PTPRN2: variants seen among roughly 807,000 people sequenced by gnomAD.
The protein encoded by PTPRN2 is protein tyrosine phosphatase receptor type N2.
In PTPRN2, 74 loss-of-function variants were observed where a neutral mutation model predicts 118.8. That is an observed-to-expected ratio of 0.62 (90% confidence interval 0.52 to 0.76). PTPRN2 has a LOEUF of 0.76. PTPRN2 is among the 30% of genes least tolerant of loss of function. PTPRN2 has a pLI of 0.00. For missense variants in PTPRN2, 1,481 were observed against 1,394.4 expected, an observed-to-expected ratio of 1.06 and a Z score of -0.99; for synonymous variants, 641 against 608.0, an observed-to-expected ratio of 1.05 and a Z score of -0.80.
intron 2 of PTPRN2, among the ~76,000 whole-genome samples, chr7:158,482,459 C>A (rs1029536130): frequency 6.6e-6 from 1 of 152,224 alleles, no homozygotes; most frequent in African/African-American, 2.4e-5. Flanking sequence ...AACACTGCGG[C>A]AAGACCCTCC....
intron 14 of PTPRN2, among the ~76,000 whole-genome samples, chr7:157,635,034 A>C (rs939873514): frequency 1.3e-5 from 2 of 152,188 alleles, no homozygotes; most frequent in African/African-American, 4.8e-5. Context: ...ACACTGGTCC[A>C]TCTCCCTGGA....
chr7:157,658,992 C>T (rs1220450319), intron 13 of PTPRN2, among the ~76,000 whole-genome samples: 8 of 152,018 alleles, frequency 5.3e-5, no homozygotes, highest in Admixed American at 2.6e-4. Context: ...TCCATGTGTC[C>T]CTTCTCCCTT....
chr7:157,842,387 G>A (rs956769170), intron 12 of PTPRN2, among the ~76,000 whole-genome samples: 12 of 149,304 alleles, frequency 8.0e-5, no homozygotes, highest in East Asian at 2.0e-4. Context: ...CTCAAATGCC[G>A]CTTTGTGTGC....
intron 3 of PTPRN2, among the ~76,000 whole-genome samples, chr7:158,271,817 G>A (rs1485629099): frequency 6.6e-6 from 1 of 152,142 alleles, no homozygotes; most frequent in Non-Finnish European, 1.5e-5. Flanking sequence ...TCTTTCAGAA[G>A]CGCATTAGCC....
chr7:158,535,554 G>A (rs1022137806), intron 1 of PTPRN2, among the ~76,000 whole-genome samples: 2 of 152,206 alleles, frequency 1.3e-5, no homozygotes, highest in Admixed American at 1.3e-4. Context: ...CTGGGGAGCG[G>A]CTGGGGCTTT....
chr7:157,997,546 C>T (rs1302123528), intron 11 of PTPRN2, among the ~76,000 whole-genome samples: 4 of 152,168 alleles, frequency 2.6e-5, no homozygotes, highest in Non-Finnish European at 5.9e-5. Context: ...GAGGGAAGGA[C>T]CAGGGAGGAG....
chr7:157,657,212 TACAC>T (rs1223890693), intron 13 of PTPRN2, among the ~76,000 whole-genome samples: 1 of 115,548 alleles, frequency 8.7e-6, no homozygotes, highest in Non-Finnish European at 1.7e-5. Flanking sequence ...ATCACACATA[TACAC>T]ACACATACGC....
chr7:157,547,410 C>A (rs1377063289), intron 22 of PTPRN2, among the ~76,000 whole-genome samples: 1 of 152,128 alleles, frequency 6.6e-6, no homozygotes, highest in Non-Finnish European at 1.5e-5. Flanking sequence ...CAAGGTTGGA[C>A]CCTTCCATGG....
intron 12 of PTPRN2, among the ~76,000 whole-genome samples, chr7:157,820,211 CCA>C (rs925003880): frequency 2.7e-5 from 4 of 149,040 alleles, no homozygotes; most frequent in African/African-American, 5.0e-5. Flanking sequence ...CACAGCAGAC[CCA>C]CACAGTCACA....
chr7:158,252,237 C>T (rs1249317303), intron 3 of PTPRN2, among the ~76,000 whole-genome samples: 1 of 152,174 alleles, frequency 6.6e-6, no homozygotes, highest in Non-Finnish European at 1.5e-5. Flanking sequence ...TCGTCCCCAT[C>T]ACCTCTGCGG....
rs534423325 is a variant in PTPRN2, at chr7:157,815,131, C to T, written c.1788+83542G>A. On this transcript the variant is annotated intron_variant, in intron 12 of 22. Transcript: ENST00000389418. ...GCTCCGGCTGCTGGGCCTGCATGAC[C>T]GGTTTCCCTGCAGAAGATTCTGCGC... Among the ~76,000 whole-genome samples the T allele has an allele frequency of 9.2e-5, 14 of 152,340 alleles. No homozygotes were observed. In the South Asian group the frequency reaches 2.5e-3, roughly 27 times the overall value.
chr7:157,923,278 C>T lies in PTPRN2; in HGVS notation c.1724-24541G>A, dbSNP rs117145275. Reference sequence around the variant, plus strand: ...CCAGTCAGTGCAGGTGAGGTGGGAGCAGCTAGCCATAAGTTATGATGCTTG... The same window carrying T: ...CCAGTCAGTGCAGGTGAGGTGGGAGTAGCTAGCCATAAGTTATGATGCTTG... On this transcript the variant is annotated intron_variant, in intron 11 of 22. Transcript: ENST00000389418. 2.0e-5 allele frequency among the ~76,000 whole-genome samples: 3 copies of T among 152,262 alleles called. No individual in the cohort carries two copies. The East Asian group carries it at 5.8e-4, about 29-fold the overall frequency.
chr7:158,540,556 G>A (rs945058854), intron 1 of PTPRN2, among the ~76,000 whole-genome samples: 39 of 152,132 alleles, frequency 2.6e-4, no homozygotes, highest in African/African-American at 8.4e-4. Context: ...TTCTTTGGAG[G>A]TGGCTCTGCT....
At chr7:157,573,971 A>G (rs1370337180) in intron 19 of PTPRN2, among the ~76,000 whole-genome samples, 1 of 152,218 alleles carries the variant, frequency 6.6e-6, no homozygotes, top group Admixed American at 6.5e-5. Context: ...ACAAAGGATC[A>G]TGCAGTTGTA....
chr7:158,324,985 G>A (rs1209213043), intron 2 of PTPRN2, among the ~76,000 whole-genome samples: 1 of 152,244 alleles, frequency 6.6e-6, no homozygotes, highest in Non-Finnish European at 1.5e-5. Flanking sequence ...TGCATCTGCT[G>A]AGAAACGTCA....
chr7:158,302,576 C>T (rs963090601), intron 3 of PTPRN2, among the ~76,000 whole-genome samples: 9 of 152,266 alleles, frequency 5.9e-5, no homozygotes, highest in Non-Finnish European at 1.2e-4. Context: ...GGTCCCAGCA[C>T]ATTCAACCTA....
chr7:157,875,782 G>C (rs1795724869), intron 12 of PTPRN2, among the ~76,000 whole-genome samples: 2 of 150,290 alleles, frequency 1.3e-5, no homozygotes, highest in South Asian at 4.3e-4. Flanking sequence ...CCCAGGCCAG[G>C]CATCCCCAGG....
chr7:157,613,902 T>G (rs117134445), intron 15 of PTPRN2: 3 of 400,670 alleles, frequency 7.5e-6, no homozygotes, highest in Non-Finnish European at 1.6e-5. Flanking sequence ...TCGGCGCTGC[T>G]ATCCGGACTC....
chr7:157,935,220 ATTC>A lies in PTPRN2; in HGVS notation c.1724-36486_1724-36484del, dbSNP rs1400889026. 2.6e-5 allele frequency among the ~76,000 whole-genome samples: 4 copies of A among 152,100 alleles called. No homozygotes were observed. In the South Asian group the frequency reaches 6.2e-4, roughly 24 times the overall value. On this transcript the variant is annotated intron_variant, in intron 11 of 22. Transcript: ENST00000389418. ...GTAGGGTTGCTGGTTTTGAATATTA[ATTC>A]TTCTTTTTTTGTGTCCCACCTTTCT...
Sources: gnomAD v4.1 joint callset for allele counts (sites outside exome capture counted in the v4.1 genomes callset) on GRCh38, gnomAD v4.1.1 for gene constraint, MANE v1.5 for transcripts, NCBI Gene and HGNC (gene_info 2026-07-23, HGNC 2026-07-21) for gene names.